The following SLC24A2 variants were observed in gnomAD, a reference collection of about 807,000 sequenced individuals.
The protein encoded by SLC24A2 is sodium/potassium/calcium exchanger 2.
A neutral mutation model predicts 62.0 loss-of-function variants in SLC24A2; 36 were observed. The observed-to-expected ratio is 0.58, with a 90% CI of 0.44 to 0.77. The LOEUF (loss-of-function observed/expected upper bound fraction) is 0.77. SLC24A2 is among the 30% of genes least tolerant of loss of function. The pLI is 0.00. For synonymous variants in SLC24A2, 358 were observed against 294.0 expected, an observed-to-expected ratio of 1.22 and a Z score of -2.23; for missense variants, 846 against 817.9, an observed-to-expected ratio of 1.03 and a Z score of -0.42.
chr9:19,904,334 A>G, the SLC24A2 span, among the ~76,000 whole-genome samples: 8 of 152,352 alleles, frequency 5.3e-5, no homozygotes, highest in East Asian at 1.5e-3. Flanking sequence ...ATGAGATTAT[A>G]CACCAAAATC....
intron 2 of SLC24A2, among the ~76,000 whole-genome samples, chr9:19,649,701 G>A (rs557022920): frequency 6.6e-6 from 1 of 152,236 alleles, no homozygotes; most frequent in Admixed American, 6.5e-5. Context: ...TATTCCCAGT[G>A]GCATGTGGTT....
the SLC24A2 span, among the ~76,000 whole-genome samples, chr9:20,183,807 A>C: frequency 1.1e-4 from 16 of 152,314 alleles, no homozygotes; most frequent in African/African-American, 3.8e-4. Flanking sequence ...AGGGTCAAGT[A>C]GCCCCAGATT....
the SLC24A2 span, among the ~76,000 whole-genome samples, chr9:19,906,747 C>T: frequency 2.6e-5 from 4 of 151,308 alleles, no homozygotes; most frequent in African/African-American, 7.3e-5. Context: ...ATAAATCCCT[C>T]GACATATACC....
intron 2 of SLC24A2, among the ~76,000 whole-genome samples, chr9:19,658,117 C>T (rs936633008): frequency 6.6e-6 from 1 of 152,210 alleles, no homozygotes; most frequent in African/African-American, 2.4e-5. Context: ...CAGCCTTTGC[C>T]CAAGCTGCCC....
the SLC24A2 span, among the ~76,000 whole-genome samples, chr9:20,170,971 G>C: frequency 1.3e-5 from 2 of 152,072 alleles, no homozygotes; most frequent in East Asian, 3.9e-4. Context: ...TGAGACAAAA[G>C]CACCAGGTAA....
the SLC24A2 span, among the ~76,000 whole-genome samples, chr9:20,273,613 G>A: frequency 1.3e-5 from 2 of 152,136 alleles, no homozygotes; most frequent in South Asian, 2.1e-4. Flanking sequence ...CACATAAGAC[G>A]TGACTTGCTC....
At chr9:19,690,314 C>T (rs544184132) in intron 2 of SLC24A2, among the ~76,000 whole-genome samples, 4 of 152,226 alleles carry the variant, frequency 2.6e-5, no homozygotes, top group South Asian at 2.1e-4. Context: ...ATCCCACCCT[C>T]GGCTTCACGA....
At chr9:19,710,745 C>T (rs1310116033) in intron 2 of SLC24A2, among the ~76,000 whole-genome samples, 1 of 152,074 alleles carries the variant, frequency 6.6e-6, no homozygotes, top group Non-Finnish European at 1.5e-5. Context: ...CAAATATGGT[C>T]TCATGGGGGT....
chr9:19,661,519 T>C (rs1422061593), intron 2 of SLC24A2, among the ~76,000 whole-genome samples: 2 of 151,866 alleles, frequency 1.3e-5, no homozygotes, highest in African/African-American at 2.4e-5. Context: ...AAAGCAAGAA[T>C]GAAAAATACA....
the SLC24A2 span, among the ~76,000 whole-genome samples, chr9:19,922,802 G>A: frequency 6.6e-6 from 1 of 152,136 alleles, no homozygotes; most frequent in Non-Finnish European, 1.5e-5. Context: ...TAAAAGAGGA[G>A]CTTGTACATG....
chr9:19,811,146 G>A, the SLC24A2 span, among the ~76,000 whole-genome samples: 3 of 152,142 alleles, frequency 2.0e-5, no homozygotes, highest in Non-Finnish European at 2.9e-5. Flanking sequence ...TGAGATGAGT[G>A]CCTTTATAAG....
At chr9:20,029,395 G>A in the SLC24A2 span, among the ~76,000 whole-genome samples, 6 of 152,192 alleles carry the variant, frequency 3.9e-5, no homozygotes, top group African/African-American at 1.4e-4. Context: ...AAGGTGAATT[G>A]CTTTACTTCA....
At chr9:19,917,687 T>C in the SLC24A2 span, among the ~76,000 whole-genome samples, 3 of 152,136 alleles carry the variant, frequency 2.0e-5, no homozygotes, top group Admixed American at 6.5e-5. Flanking sequence ...TTCTAACAAA[T>C]ACTTAACAAA....
At chr9:19,852,568 A>T in the SLC24A2 span, among the ~76,000 whole-genome samples, 2 of 152,166 alleles carry the variant, frequency 1.3e-5, no homozygotes, top group African/African-American at 4.8e-5. Context: ...ACCATTTATT[A>T]AATAGGAAAT....
At chr9:19,872,269 G>A in the SLC24A2 span, among the ~76,000 whole-genome samples, 1 of 152,184 alleles carries the variant, frequency 6.6e-6, no homozygotes, top group Non-Finnish European at 1.5e-5. Context: ...TCCATAGACT[G>A]CTATCCAGGG....
intron 10 of SLC24A2, 57 bp downstream of exon 10, chr9:19,520,837 G>A: frequency 1.3e-6 from 2 of 1,543,848 alleles, no homozygotes; most frequent in Non-Finnish European, 1.8e-6. Flanking sequence ...CAGCTTCTAA[G>A]AAGACAAAGA....
At chr9:19,673,433 A>ATGTGTG (rs777283124) in intron 2 of SLC24A2, among the ~76,000 whole-genome samples, 19 of 97,996 alleles carry the variant, frequency 1.9e-4, no homozygotes, top group Admixed American at 1.0e-4. Flanking sequence ...TTGTGTGTGT[A>ATGTGTG]TGTGTGTGTG....
intron 2 of SLC24A2, among the ~76,000 whole-genome samples, chr9:19,638,794 T>A (rs1238520234): frequency 2.4e-5 from 2 of 84,510 alleles, no homozygotes; most frequent in African/African-American, 9.0e-5. Context: ...TGACATTAAA[T>A]AAGATGACAT....
At chr9:19,890,768 C>T in the SLC24A2 span, among the ~76,000 whole-genome samples, 2 of 152,146 alleles carry the variant, frequency 1.3e-5, no homozygotes, top group Non-Finnish European at 2.9e-5. Context: ...GCCTCAGCCT[C>T]CCAAGTAGCT....
Sources: gnomAD v4.1 joint callset for allele counts (sites outside exome capture counted in the v4.1 genomes callset) on GRCh38, gnomAD v4.1.1 for gene constraint, MANE v1.5 for transcripts, NCBI Gene and HGNC (gene_info 2026-07-23, HGNC 2026-07-21) for gene names.